The following LRRK1 variants were observed in gnomAD, a reference collection of about 807,000 sequenced individuals.
LRRK1 encodes leucine-rich repeat serine/threonine-protein kinase 1.
LRRK1 carries 113 observed loss-of-function variants against 209.1 expected under a neutral mutation model. The observed-to-expected ratio is 0.54, with a 90% CI of 0.46 to 0.63. The LOEUF (loss-of-function observed/expected upper bound fraction) is 0.63. Among genes scored for constraint, LRRK1 ranks in the 30% least tolerant of loss-of-function variants. The pLI is 0.00. For synonymous variants in LRRK1, 1,144 were observed against 1,099.7 expected, an observed-to-expected ratio of 1.04 and a Z score of -0.80; for missense variants, 2,284 against 2,632.2, an observed-to-expected ratio of 0.87 and a Z score of 2.89.
chr15:100,979,100 C>A (rs140051177), intron 3 of LRRK1, among the ~76,000 whole-genome samples: 32 of 152,242 alleles, frequency 2.1e-4, no homozygotes, highest in African/African-American at 7.2e-4. Context: ...AATCATCAAT[C>A]AATGTAATCC....
In LRRK1 at chr15:101,010,765, C is replaced by T; in HGVS notation, c.1209C>T (p.Phe403=). The change falls in exon 9 of 34, where the codon TTC becomes TTT. Residue 403 remains phenylalanine, a synonymous_variant. Coordinates refer to ENST00000388948, the MANE Select transcript of LRRK1 (RefSeq NM_024652.6). Reference sequence around the variant, plus strand: ...TCCCTGCCCTGTTCCTTCACTCTTTCAAGTCCCTCAATTCTCTGAATGTCT... The same window carrying T: ...TCCCTGCCCTGTTCCTTCACTCTTTTAAGTCCCTCAATTCTCTGAATGTCT... The part of the protein sequence containing the change: ...TELPALFLHS[F]KSLNSLNVSR... 1 of 1,613,764 alleles carries T rather than the reference C, an allele frequency of 6.2e-7. No homozygotes were observed. Among genetic ancestry groups the T allele is most frequent in the Non-Finnish European group, 8.5e-7 (1 of 1,179,910 alleles).
chr15:100,944,100 T>G (rs1049027561), intron 2 of LRRK1, among the ~76,000 whole-genome samples: 2 of 152,086 alleles, frequency 1.3e-5, no homozygotes, highest in African/African-American at 4.8e-5. Context: ...GGCCTCACAG[T>G]GGGGCCCAGA....
chr15:101,040,744 ATATCT>A (rs2034712822), intron 20 of LRRK1, among the ~76,000 whole-genome samples: 1 of 152,320 alleles, frequency 6.6e-6, no homozygotes, highest in Admixed American at 6.5e-5. Flanking sequence ...ATTTTCTAAT[ATATCT>A]TATATTATTT....
chr15:100,951,229 C>T (rs1202213152), intron 2 of LRRK1, among the ~76,000 whole-genome samples: 1 of 152,166 alleles, frequency 6.6e-6, no homozygotes, highest in African/African-American at 2.4e-5. Context: ...CGAAGCAAAA[C>T]CACCATGAGA....
intron 6 of LRRK1, among the ~76,000 whole-genome samples, chr15:100,997,898 T>C (rs1193092317): frequency 6.6e-6 from 1 of 152,168 alleles, no homozygotes; most frequent in Admixed American, 6.5e-5. Context: ...CCAACATGTC[T>C]GCTGGGTGCG....
intron 2 of LRRK1, among the ~76,000 whole-genome samples, chr15:100,963,025 G>A (rs1299138815): frequency 6.6e-6 from 1 of 150,420 alleles, no homozygotes; most frequent in Non-Finnish European, 1.5e-5. Flanking sequence ...GTTTCGCCAT[G>A]TTAGCCAGGC....
At chr15:100,994,558 G>A (rs1214088097) in intron 6 of LRRK1, among the ~76,000 whole-genome samples, 6 of 152,310 alleles carry the variant, frequency 3.9e-5, no homozygotes, top group Non-Finnish European at 7.4e-5. Flanking sequence ...TGCCAAGGTT[G>A]GCATAGAGCA....
rs200667677 is a variant in LRRK1 at position 101,028,962 on chromosome 15, G to C, written c.2693G>C (p.Ser898Thr). 7 of 1,613,718 alleles carry C rather than the reference G, an allele frequency of 4.3e-6. No individual in the cohort carries two copies. In the African/African-American group the frequency reaches 5.3e-5, roughly 12 times the overall value. Residue 898 changes from serine to threonine, a missense_variant, in exon 20 of 34, where the codon AGC (serine) becomes ACC (threonine). Physicochemically the swap from Ser to Thr is moderately conservative, Grantham distance 58 (BLOSUM62 1). This residue lies in a region of LRRK1 where 780 missense variants were observed against 985.2 expected (regional missense o/e 0.79). Transcript: ENST00000388948. The part of the protein sequence containing the change: ...KDYEDLQSAI[S>T]FLIETGTLLH... ...CTCTCCTTGCCTGGGGCAGCCATCAGCTTCCTCATAGAAACCGGCACCCTG... is the reference window on the plus strand; with the variant it reads ...CTCTCCTTGCCTGGGGCAGCCATCACCTTCCTCATAGAAACCGGCACCCTG...
At chr15:101,057,892 A>G (rs958321000) in intron 28 of LRRK1, 98 bp from the exon 29 acceptor site, 1 of 1,330,550 alleles carries the variant, frequency 7.5e-7, no homozygotes, top group Non-Finnish European at 1.1e-6. Context: ...AGAATCCCTC[A>G]TTCCTCCCTG....
At chr15:101,029,969 C>T (rs1243007569) in intron 20 of LRRK1, among the ~76,000 whole-genome samples, 1 of 152,172 alleles carries the variant, frequency 6.6e-6, no homozygotes, top group African/African-American at 2.4e-5. Context: ...ATGAGAGCAA[C>T]ATCATCAGCT....
rs370177468 is a variant in LRRK1, at chr15:100,947,266, C to T, written c.97+22537C>T. Among the ~76,000 whole-genome samples the T allele has an allele frequency of 2.6e-5, 4 of 151,996 alleles. No homozygotes were observed. In the East Asian group the frequency reaches 5.8e-4, roughly 22 times the overall value. ...GCCACCATGCCCAGGCTCCAGTTTTCAAATCAAACAAAACACAGGATTAGG... is the reference window on the plus strand; with the variant it reads ...GCCACCATGCCCAGGCTCCAGTTTTTAAATCAAACAAAACACAGGATTAGG... On this transcript the variant is annotated intron_variant, in intron 2 of 33. Coordinates refer to ENST00000388948, the MANE Select transcript of LRRK1 (RefSeq NM_024652.6).
chr15:100,938,320 TG>T (rs1489121557), intron 2 of LRRK1, among the ~76,000 whole-genome samples: 1 of 152,214 alleles, frequency 6.6e-6, no homozygotes, highest in Non-Finnish European at 1.5e-5. Flanking sequence ...GTAATAATTG[TG>T]CTTGTCTATG....
At position 100,938,951 on chromosome 15, in the gene LRRK1, G is replaced by A. The variant is rs188132737; in HGVS notation, c.97+14222G>A. Among the ~76,000 whole-genome samples, 79 of 144,808 alleles carry A rather than the reference G, an allele frequency of 5.5e-4. 1 individual carries two copies. Among genetic ancestry groups the A allele is most frequent in the Non-Finnish European group, 9.2e-4 (59 of 63,814 alleles). 95.0% of individuals were successfully genotyped at this position (144,808 alleles called of 152,430 possible). A position where few individuals can be genotyped will look rare whatever the true frequency, so the allele number is the denominator to read the frequency against. The stretch of plus-strand genomic sequence containing the variant: ...TACTAAAAATACAAAAAACTAGCGA[G>A]GCATGGTGGCGGGCACCTGTAATCC... On this transcript the variant is annotated intron_variant, in intron 2 of 33. Transcript: ENST00000388948.
chr15:100,963,885 A>G (rs1427362896), intron 2 of LRRK1, among the ~76,000 whole-genome samples: 2 of 152,244 alleles, frequency 1.3e-5, no homozygotes, highest in Non-Finnish European at 2.9e-5. Flanking sequence ...TGGACATAAC[A>G]TAGCATCTTG....
intron 2 of LRRK1, among the ~76,000 whole-genome samples, chr15:100,966,944 G>T (rs1567205250): frequency 1.3e-5 from 2 of 152,180 alleles, no homozygotes; most frequent in Non-Finnish European, 2.9e-5. Flanking sequence ...GGGCTTAAAG[G>T]TTTAGCTGTT....
At chr15:100,931,882 T>C (rs540505231) in intron 2 of LRRK1, among the ~76,000 whole-genome samples, 1 of 152,332 alleles carries the variant, frequency 6.6e-6, no homozygotes, top group South Asian at 2.1e-4. Context: ...AATTCCACAA[T>C]TCACACAGTG....
intron 20 of LRRK1, among the ~76,000 whole-genome samples, chr15:101,030,434 C>T (rs908602628): frequency 6.6e-6 from 1 of 152,208 alleles, no homozygotes; most frequent in African/African-American, 2.4e-5. Context: ...AGATTTTCAG[C>T]AGGGCCCAGC....
chr15:100,929,447 T>G (rs1201740001), intron 2 of LRRK1, among the ~76,000 whole-genome samples: 1 of 152,200 alleles, frequency 6.6e-6, no homozygotes, highest in Admixed American at 6.5e-5. Context: ...CAATGTCTTG[T>G]TTTTTTCTCC....
intron 12 of LRRK1, among the ~76,000 whole-genome samples, chr15:101,015,788 T>G (rs2033509461): frequency 6.6e-6 from 1 of 152,178 alleles, no homozygotes; most frequent in Admixed American, 6.5e-5. Context: ...CCAGGGTGTC[T>G]GAGCTTGGCT....
Sources: allele counts gnomAD v4.1 joint callset (sites outside exome capture counted in the v4.1 genomes callset), GRCh38; gene constraint gnomAD v4.1.1; regional missense constraint gnomAD v4.1.1; transcripts MANE v1.5; gene names NCBI Gene and HGNC (gene_info 2026-07-23, HGNC 2026-07-21).